Variants in QRICH1 observed in about 807,000 individuals in gnomAD.
The protein encoded by QRICH1 is glutamine rich 1, also known as transcriptional regulator QRICH1.
QRICH1 carries 16 observed loss-of-function variants against 87.1 expected under a neutral mutation model. That is an observed-to-expected ratio of 0.18 (90% CI 0.12 to 0.28). The LOEUF (loss-of-function observed/expected upper bound fraction) is 0.28. QRICH1 is among the 10% of genes least tolerant of loss of function. QRICH1 has a pLI of 1.00. For missense variants in QRICH1, 647 were observed against 951.7 expected (o/e 0.68, Z 4.21); for synonymous variants, 367 against 368.4 (o/e 1.00, Z 0.05).
intron 6 of QRICH1, chr3:49,033,940 TTGCACCAC>T (rs1272874715): frequency 6.6e-6 from 1 of 151,148 alleles, no homozygotes; most frequent in Non-Finnish European, 1.5e-5. Context: ...TGAGCCGAGA[TTGCACCAC>T]TGCACTCCAG....
At chr3:49,031,720 C>A (rs1575317871) in intron 9 of QRICH1, among the ~76,000 whole-genome samples, 1 of 152,148 alleles carries the variant, frequency 6.6e-6, no homozygotes, top group Non-Finnish European at 1.5e-5. Context: ...GGCTAGGGAA[C>A]TAAGAGCTCC....
At chr3:49,090,616 G>GA (rs1195576950) in intron 1 of QRICH1, among the ~76,000 whole-genome samples, 4 of 114,780 alleles carry the variant, frequency 3.5e-5, no homozygotes, top group Non-Finnish European at 5.1e-5. Flanking sequence ...CGACAAGAGT[G>GA]AAACTCCATC....
Position 49,057,086 on chromosome 3 carries a change from G to A in QRICH1, c.1114C>T (p.His372Tyr). The A allele has an allele frequency of 6.2e-7, 1 of 1,614,240 alleles. No homozygotes were observed. Among genetic ancestry groups the A allele is most frequent in the East Asian group, 2.2e-5 (1 of 44,892 alleles). Reference sequence around the variant, plus strand: ...GCAAGGGTCTGCACTACCTCTTCATGGGAGTTTTTCACTACAGATGTGGTG... The same window carrying A: ...GCAAGGGTCTGCACTACCTCTTCATAGGAGTTTTTCACTACAGATGTGGTG... Reference protein sequence around the residue: ...VGTTSVVKNSHEEVVQTLANS... With the variant: ...VGTTSVVKNSYEEVVQTLANS... The change falls in exon 3 of 10, where the codon CAT becomes TAT. Residue 372 changes from histidine (H) to tyrosine (Y), a missense_variant. Coordinates refer to ENST00000395443, the MANE Select transcript of QRICH1 (RefSeq NM_198880.3). This position sits in a 1 kb window ranked among gnomAD's most constrained non-coding sequence, Gnocchi z 5.4.
chr3:49,056,685 C>CT (rs1404916330), intron 3 of QRICH1, 177 bp downstream of exon 3: 1 of 1,182,982 alleles, frequency 8.5e-7, no homozygotes, highest in South Asian at 1.5e-5. Context: ...AGGATAAACT[C>CT]TTTTTTCTGT....
chr3:49,051,197 C>T (rs1260941307), intron 3 of QRICH1, among the ~76,000 whole-genome samples: 2 of 152,158 alleles, frequency 1.3e-5, no homozygotes, highest in Non-Finnish European at 2.9e-5. Flanking sequence ...GCCACCACTA[C>T]CAGCAATACC....
intron 5 of QRICH1, among the ~76,000 whole-genome samples, chr3:49,045,326 CAAAAA>C (rs150401256): frequency 0.47 from 48,168 of 101,934 alleles, 6,820 homozygotes; most frequent in South Asian, 0.64. Flanking sequence ...TTGTGAATTA[CAAAAA>C]AAAAAAAAAA....
chr3:49,030,150 CTT>C lies in QRICH1; in HGVS notation c.*300_*301del, dbSNP rs2093225705. 13 of 440,002 alleles carry C rather than the reference CTT, an allele frequency of 3.0e-5. 1 individual carries two copies. In the South Asian group the frequency reaches 6.8e-4, roughly 23 times the overall value. The allele number at this position is 440,002 out of a possible 1,614,324, so 27.3% of individuals were successfully genotyped here. Reference sequence around the variant, plus strand: ...TTGAAGATGGAAAGGGGCCACATTTCTTTTCACAGTCCAAGCCCTTTCCCCAG... The same window carrying C: ...TTGAAGATGGAAAGGGGCCACATTTCTTCACAGTCCAAGCCCTTTCCCCAG... On this transcript the variant is annotated 3_prime_UTR_variant, in exon 10 of 10. Coordinates refer to ENST00000395443, the MANE Select transcript of QRICH1 (RefSeq NM_198880.3).
intron 3 of QRICH1, among the ~76,000 whole-genome samples, chr3:49,053,781 G>T (rs949762403): frequency 6.6e-6 from 1 of 152,196 alleles, no homozygotes; most frequent in East Asian, 1.9e-4. Flanking sequence ...AAAGACAGAA[G>T]ATATGATAGC....
At chr3:49,066,523 G>A (rs2093469284) in intron 2 of QRICH1, among the ~76,000 whole-genome samples, 1 of 150,004 alleles carries the variant, frequency 6.7e-6, no homozygotes, top group South Asian at 2.1e-4. Flanking sequence ...GGAATGCAGT[G>A]GCGCAATCTT....
Position 49,076,507 on chromosome 3 carries a change from T to C in QRICH1, c.309+202A>G, listed in dbSNP as rs549756743. 2.8e-5 allele frequency among the ~76,000 whole-genome samples: 4 copies of C among 141,410 alleles called. No individual in the cohort carries two copies. The East Asian group carries it at 8.6e-4, about 30-fold the overall frequency. 92.8% of individuals were successfully genotyped at this position (141,410 alleles called of 152,430 possible). A position where few individuals can be genotyped will look rare whatever the true frequency, so the allele number is the denominator to read the frequency against. On this transcript the variant is annotated intron_variant, in intron 2 of 9. Coordinates refer to ENST00000395443, the MANE Select transcript of QRICH1 (RefSeq NM_198880.3). Reference sequence around the variant, plus strand: ...CTGCAATCTATTCAAAGTCAGTCCTTGACACTGGGGTTTGTTTAAAAAAAA... The same window carrying C: ...CTGCAATCTATTCAAAGTCAGTCCTCGACACTGGGGTTTGTTTAAAAAAAA...
intron 3 of QRICH1, among the ~76,000 whole-genome samples, chr3:49,053,410 G>A (rs1240705598): frequency 2.6e-5 from 4 of 151,204 alleles, no homozygotes; most frequent in Non-Finnish European, 1.5e-5. Flanking sequence ...GTGTGAACTC[G>A]GGAGGCGGAG....
At chr3:49,064,719 T>C (rs1398424383) in intron 2 of QRICH1, among the ~76,000 whole-genome samples, 1 of 151,876 alleles carries the variant, frequency 6.6e-6, no homozygotes, top group African/African-American at 2.4e-5. Flanking sequence ...AAAAAATTAA[T>C]TAAAAATCAG....
intron 6 of QRICH1, among the ~76,000 whole-genome samples, chr3:49,035,821 G>A (rs2093271369): frequency 6.6e-6 from 1 of 151,174 alleles, no homozygotes; most frequent in South Asian, 2.1e-4. Flanking sequence ...GGTGGCTCAT[G>A]GGTGTAACCT....
At chr3:49,040,300 T>A (rs753392756) in intron 6 of QRICH1, among the ~76,000 whole-genome samples, 5 of 152,230 alleles carry the variant, frequency 3.3e-5, no homozygotes, top group Non-Finnish European at 5.9e-5. Flanking sequence ...CATTCCTTTG[T>A]GTTCTGTTCT....
At chr3:49,062,227 C>A (rs9857294) in intron 2 of QRICH1, among the ~76,000 whole-genome samples, 1 of 151,640 alleles carries the variant, frequency 6.6e-6, no homozygotes, top group African/African-American at 2.4e-5. Flanking sequence ...CCCAGCTACT[C>A]GGAAGGCTGA....
intron 6 of QRICH1, among the ~76,000 whole-genome samples, chr3:49,038,295 T>C (rs2093288035): frequency 1.3e-5 from 2 of 152,070 alleles, no homozygotes; most frequent in South Asian, 4.1e-4. Flanking sequence ...TCTCCTGAAC[T>C]CATGATCCAC....
In QRICH1 at chr3:49,079,458, T is replaced by C. The variant is rs184337192; in HGVS notation, c.-21-2420A>G. On this transcript the variant is annotated intron_variant, in intron 1 of 9. Transcript: ENST00000395443. ...TTATAATAATTACAATTATGTAATA[T>C]AAATATAATTTTTACATAAATATAA... Among the ~76,000 whole-genome samples the C allele has an allele frequency of 2.0e-4, 30 of 147,950 alleles. No homozygotes were observed. In the East Asian group the frequency reaches 3.1e-3, roughly 15 times the overall value.
At chr3:49,079,295 A>G (rs963896235) in intron 1 of QRICH1, among the ~76,000 whole-genome samples, 2 of 151,974 alleles carry the variant, frequency 1.3e-5, no homozygotes, top group South Asian at 4.1e-4. Flanking sequence ...AGTGGTGCAC[A>G]CATGTAGTCT....
chr3:49,047,478 TG>T (rs1381251109), intron 3 of QRICH1, among the ~76,000 whole-genome samples: 2 of 147,432 alleles, frequency 1.4e-5, no homozygotes, highest in Non-Finnish European at 3.0e-5. Flanking sequence ...CACTTTTAAA[TG>T]TTTTTTTTTT....
Sources: gnomAD v4.1 joint callset for allele counts (sites outside exome capture counted in the v4.1 genomes callset) on GRCh38, gnomAD v4.1.1 for gene constraint, Gnocchi (gnomAD v3.1) non-coding constraint, MANE v1.5 for transcripts, NCBI Gene and HGNC (gene_info 2026-07-23, HGNC 2026-07-21) for gene names.